The following DPYD variants were observed in gnomAD, a reference collection of about 807,000 sequenced individuals.
The protein encoded by DPYD is dihydropyrimidine dehydrogenase [NADP(+)].
DPYD carries 109 observed loss-of-function variants against 116.2 expected under a neutral mutation model. That is an observed-to-expected ratio of 0.94 (90% CI 0.80 to 1.10). The LOEUF (loss-of-function observed/expected upper bound fraction) is 1.10. DPYD is among the 50% of genes least tolerant of loss of function. DPYD has a pLI of 0.00. For missense variants in DPYD, 1,302 were observed against 1,254.5 expected (o/e 1.04, Z -0.57); for synonymous variants, 440 against 432.0 (o/e 1.02, Z -0.23).
rs746595648 is a variant in DPYD, at chr1:97,082,417, G to T, written c.2820C>A (p.Asn940Lys). The T allele has an allele frequency of 2.5e-6, 4 of 1,613,488 alleles. 1 individual carries two copies. The highest frequency in any genetic ancestry group is 3.4e-6 in the Non-Finnish European group (4 of 1,179,666). ...CAATCATAGCCACAACTTGCTCTAC[G>T]TTGCTCAATTCACCAAATGTTCCAA... is the stretch of plus-strand genomic sequence containing the variant. ...QYLGTFGELS[N>K]VEQVVAMIDE... Residue 940 changes from asparagine to lysine, a missense_variant, in exon 22 of 23, where the codon AAC becomes AAA. Physicochemically the swap from Asn to Lys is moderately conservative, Grantham distance 94. Coordinates refer to ENST00000370192, the MANE Select transcript of DPYD (RefSeq NM_000110.4).
intron 20 of DPYD, among the ~76,000 whole-genome samples, chr1:97,191,020 G>A (rs1248925230): frequency 3.3e-5 from 5 of 151,696 alleles, no homozygotes; most frequent in African/African-American, 7.3e-5. Flanking sequence ...TTTGGCTAAT[G>A]ATAGGACAAT....
intron 1 of DPYD, among the ~76,000 whole-genome samples, chr1:97,900,710 A>G (rs1673326081): frequency 6.6e-6 from 1 of 151,866 alleles, no homozygotes; most frequent in Non-Finnish European, 1.5e-5. Context: ...AATATAGCAT[A>G]ATGATGTGAA....
intron 20 of DPYD, among the ~76,000 whole-genome samples, chr1:97,139,810 T>A (rs1400693619): frequency 6.6e-6 from 1 of 152,150 alleles, no homozygotes; most frequent in Admixed American, 6.6e-5. Context: ...ATTTACTCTG[T>A]AGGTCTGGGA....
chr1:97,731,947 T>C (rs1663637387), intron 4 of DPYD, among the ~76,000 whole-genome samples: 1 of 152,118 alleles, frequency 6.6e-6, no homozygotes, highest in African/African-American at 2.4e-5. Context: ...TTTAAATTTG[T>C]CTATACTATA....
chr1:97,277,375 A>G (rs1292959921), intron 18 of DPYD, among the ~76,000 whole-genome samples: 1 of 148,468 alleles, frequency 6.7e-6, no homozygotes, highest in African/African-American at 2.5e-5. Flanking sequence ...GTTGAAATTA[A>G]AAAAAAAAAG....
At chr1:97,182,231 T>A (rs79179827) in intron 20 of DPYD, among the ~76,000 whole-genome samples, 1 of 152,168 alleles carries the variant, frequency 6.6e-6, no homozygotes, top group African/African-American at 2.4e-5. Flanking sequence ...TCACAATTTA[T>A]AAAACAGGTG....
intron 19 of DPYD, among the ~76,000 whole-genome samples, chr1:97,228,174 T>C (rs1262472036): frequency 6.6e-6 from 1 of 151,806 alleles, no homozygotes; most frequent in Non-Finnish European, 1.5e-5. Flanking sequence ...AGAAATACTC[T>C]AAATTTCTAC....
chr1:97,281,134 C>T (rs1025240744), intron 18 of DPYD, among the ~76,000 whole-genome samples: 5 of 151,428 alleles, frequency 3.3e-5, no homozygotes, highest in Non-Finnish European at 4.4e-5. Context: ...AGAAATCTCC[C>T]AAAAGAGAAA....
intron 12 of DPYD, chr1:97,545,932 C>A: frequency 1.8e-6 from 2 of 1,109,776 alleles, no homozygotes; most frequent in African/African-American, 1.5e-5. Context: ...TTTAAAGAAT[C>A]AGATTGTCAT....
At position 97,670,058 on chromosome 1, in the gene DPYD, C is replaced by CT. The variant is rs758801074; in HGVS notation, c.850+9036dup. On this transcript the variant is annotated intron_variant, in intron 8 of 22. Transcript: ENST00000370192. ...ACTGTGCACATGAATACAATGTAGT[C>CT]TTGAATTCTCCACATTTAGCTTCAT... 3.4e-4 allele frequency among the ~76,000 whole-genome samples: 51 copies of CT among 152,212 alleles called. 1 individual carries two copies. The highest frequency in any genetic ancestry group is 3.1e-3 in the Admixed American group (47 of 15,266).
chr1:97,626,555 G>A (rs1656942421), intron 8 of DPYD, among the ~76,000 whole-genome samples: 2 of 151,942 alleles, frequency 1.3e-5, no homozygotes, highest in African/African-American at 4.8e-5. Context: ...TTTGCCTCAA[G>A]TTTCTACTCC....
chr1:97,481,118 A>G (rs898677126), intron 13 of DPYD, among the ~76,000 whole-genome samples: 6 of 152,260 alleles, frequency 3.9e-5, no homozygotes, highest in Non-Finnish European at 7.3e-5. Context: ...ATAGAAATGT[A>G]GTCAAAGGAT....
chr1:97,707,987 A>T (rs1662076829), intron 5 of DPYD, among the ~76,000 whole-genome samples: 1 of 151,974 alleles, frequency 6.6e-6, no homozygotes, highest in Non-Finnish European at 1.5e-5. Flanking sequence ...TTTCCTGCAG[A>T]GTAGAAGTTT....
rs542485316 is a variant in DPYD, at chr1:97,591,356, T to A, written c.1128+1862A>T. The stretch of plus-strand genomic sequence containing the variant: ...TTGTTTAATTATTGGGTATCTTCTG[T>A]CACTAGGTACAAATTCCATGAGGGC... On this transcript the variant is annotated intron_variant, in intron 10 of 22. Transcript: ENST00000370192. 3.8e-4 allele frequency among the ~76,000 whole-genome samples: 58 copies of A among 152,346 alleles called. No individual in the cohort carries two copies. In the South Asian group the frequency reaches 0.012, roughly 30 times the overall value.
At position 97,335,299 on chromosome 1, in the gene DPYD, TACACACACACACACACAC is replaced by T. The variant is rs35371362; in HGVS notation, c.2059-29020_2059-29003del. Among the ~76,000 whole-genome samples, 12 of 136,316 alleles carry T rather than the reference TACACACACACACACACAC, an allele frequency of 8.8e-5. No individual in the cohort carries two copies. In the South Asian group the frequency reaches 2.0e-3, roughly 23 times the overall value. The allele number at this position is 136,316 out of a possible 152,430, so 89.4% of individuals were successfully genotyped here. ...CATCACAATCATTTATGGAGTTAAG[TACACACACACACACACAC>T]ACACACACACACACACACACACACA... On this transcript the variant is annotated intron_variant, in intron 16 of 22. Transcript: ENST00000370192.
At chr1:97,183,855 G>T (rs1657811678) in intron 20 of DPYD, among the ~76,000 whole-genome samples, 1 of 151,912 alleles carries the variant, frequency 6.6e-6, no homozygotes, top group Non-Finnish European at 1.5e-5. Context: ...AGGTTATTTT[G>T]TCACTCAGGT....
At chr1:97,365,834 A>G (rs1343667896) in intron 16 of DPYD, among the ~76,000 whole-genome samples, 1 of 152,114 alleles carries the variant, frequency 6.6e-6, no homozygotes, top group Non-Finnish European at 1.5e-5. Context: ...GGGTTTCGCC[A>G]TGTTGCCCAG....
At chr1:97,831,910 A>T (rs532948841) in intron 2 of DPYD, among the ~76,000 whole-genome samples, 1 of 152,234 alleles carries the variant, frequency 6.6e-6, no homozygotes, top group African/African-American at 2.4e-5. Context: ...AAAGGTACTA[A>T]ATTTAATGCC....
At chr1:97,860,427 C>CTG (rs1366276904) in intron 2 of DPYD, among the ~76,000 whole-genome samples, 1 of 152,078 alleles carries the variant, frequency 6.6e-6, no homozygotes, top group African/African-American at 2.4e-5. Context: ...AATTAGCTTA[C>CTG]TGTGGGACAT....
Sources: allele counts gnomAD v4.1 joint callset (sites outside exome capture counted in the v4.1 genomes callset), GRCh38; gene constraint gnomAD v4.1.1; transcripts MANE v1.5; gene names NCBI Gene and HGNC (gene_info 2026-07-23, HGNC 2026-07-21).